ZNF850: variants seen among roughly 807,000 people sequenced by gnomAD.
ZNF850 encodes putative zinc finger protein ENSP00000330994.
In ZNF850, 2 loss-of-function variants were observed where a neutral mutation model predicts 11.9. The observed-to-expected ratio is 0.17, with a 90% CI of 0.07 to 0.53. The LOEUF (loss-of-function observed/expected upper bound fraction) is 0.53. Among genes scored for constraint, ZNF850 ranks in the 20% least tolerant of loss-of-function variants. The pLI is 0.94. For missense variants in ZNF850, 1,014 were observed against 1,316.4 expected, an observed-to-expected ratio of 0.77 and a Z score of 3.55; for synonymous variants, 381 against 443.0, an observed-to-expected ratio of 0.86 and a Z score of 1.76.
chr19:36,766,451 C>G (rs1362661289), intron 1 of ZNF850, among the ~76,000 whole-genome samples: 4 of 152,162 alleles, frequency 2.6e-5, no homozygotes, highest in Admixed American at 6.6e-5. Flanking sequence ...CCGCAGTACA[C>G]ATATAATTTT....
Position 36,758,182 on chromosome 19 carries a change from G to A in ZNF850, c.235+3461C>T, listed in dbSNP as rs750832778. The stretch of plus-strand genomic sequence containing the variant: ...TGACGACTCATGCCTTACAGGTGTA[G>A]TATGTATACAAAATGAGGCAGAACT... On this transcript the variant is annotated intron_variant, in intron 4 of 4. Transcript: ENST00000591344. Among the ~76,000 whole-genome samples, 79 of 152,230 alleles carry A rather than the reference G, an allele frequency of 5.2e-4. No individual in the cohort carries two copies. In the South Asian group the frequency reaches 5.4e-3, roughly 10 times the overall value.
chr19:36,771,135 A>C (rs1394201018), intron 1 of ZNF850, among the ~76,000 whole-genome samples: 1 of 152,140 alleles, frequency 6.6e-6, no homozygotes. Context: ...TCTTTCTCTC[A>C]CGGCCAAGAA....
intron 1 of ZNF850, among the ~76,000 whole-genome samples, chr19:36,771,315 C>G (rs1022075010): frequency 6.6e-6 from 1 of 152,136 alleles, no homozygotes; most frequent in South Asian, 2.1e-4. Context: ...TTGAAGAAAG[C>G]ACTACCCAGC....
At chr19:36,771,577 G>C (rs1049910818) in intron 1 of ZNF850, among the ~76,000 whole-genome samples, 1 of 151,166 alleles carries the variant, frequency 6.6e-6, no homozygotes, top group Admixed American at 6.6e-5. Context: ...AGGAGCTGAA[G>C]TGAAAGTTTG....
chr19:36,759,443 C>T (rs1454863421), intron 4 of ZNF850, among the ~76,000 whole-genome samples: 2 of 152,032 alleles, frequency 1.3e-5, no homozygotes, highest in Non-Finnish European at 2.9e-5. Flanking sequence ...CCACCGTACT[C>T]CAGCATGGGC....
chr19:36,768,653 C>A (rs2040562478), intron 1 of ZNF850, among the ~76,000 whole-genome samples: 2 of 152,060 alleles, frequency 1.3e-5, no homozygotes, highest in Non-Finnish European at 2.9e-5. Context: ...TCACTATAGT[C>A]CTCCTTCCCT....
rs564985231 is a variant in ZNF850 at position 36,761,676 on chromosome 19, C to G, written c.202G>C (p.Val68Leu). 65 of 1,560,964 alleles carry G rather than the reference C, an allele frequency of 4.2e-5. 1 individual carries two copies. In the South Asian group the frequency reaches 7.0e-4, roughly 17 times the overall value. ...LLEQGKEPWM[V>L]SRDVLGGWCR... is the part of the protein sequence containing the mutation. ...CATCCTCCCAGCACGTCCCTTGAAACCATCCAGGGCTCTTTCCCTTGCTCC... is the reference window on the plus strand; with the variant it reads ...CATCCTCCCAGCACGTCCCTTGAAAGCATCCAGGGCTCTTTCCCTTGCTCC... The change falls in exon 4 of 5, where the codon GTT becomes CTT. Residue 68 changes from valine to leucine, a missense_variant. Around this residue, in one of 2 missense-constraint regions of ZNF850, gnomAD observed 835 missense variants for 1,022.0 expected, o/e 0.82. Coordinates refer to ENST00000591344, the MANE Select transcript of ZNF850 (RefSeq NM_001193552.2).
At chr19:36,765,436 G>C (rs1299022491) in intron 1 of ZNF850, among the ~76,000 whole-genome samples, 1 of 151,966 alleles carries the variant, frequency 6.6e-6, no homozygotes, top group African/African-American at 2.4e-5. Context: ...CCTTACAAAT[G>C]CTGCTTTATT....
At chr19:36,765,984 G>A (rs189768719) in intron 1 of ZNF850, among the ~76,000 whole-genome samples, 44 of 152,114 alleles carry the variant, frequency 2.9e-4, no homozygotes, top group Non-Finnish European at 5.3e-4. Flanking sequence ...TGCCTCCTGG[G>A]TTCAAGTGAC....
intron 4 of ZNF850, among the ~76,000 whole-genome samples, 172 bp from the exon 5 acceptor site, chr19:36,750,976 G>T (rs149562825): frequency 6.6e-6 from 1 of 150,838 alleles, no homozygotes; most frequent in East Asian, 2.0e-4. Context: ...TGAGACAGGA[G>T]GATTGCTTGA....
rs1265070227 is a variant in ZNF850, at chr19:36,749,502, G to T, written c.1538C>A (p.Ser513Tyr). The change falls in exon 5 of 5, where the codon TCT becomes TAT. Residue 513 changes from serine (S) to tyrosine (Y), a missense_variant. Ser to Tyr is a moderately radical substitution (Grantham distance 144). Coordinates refer to ENST00000591344, the MANE Select transcript of ZNF850 (RefSeq NM_001193552.2). ...KPYNCKECGK[S>Y]FASGSALLQH... is the part of the protein sequence containing the mutation. ...AAGTAGTGCTGAGCCAGAAGCAAAA[G>T]ATTTTCCACATTCTTTACAATTATA... is the stretch of plus-strand genomic sequence containing the variant. 1.3e-6 allele frequency: 2 copies of T among 1,546,660 alleles called. No homozygotes were observed. Among genetic ancestry groups the T allele is most frequent in the African/African-American group, 1.4e-5 (1 of 73,142 alleles).
intron 4 of ZNF850, among the ~76,000 whole-genome samples, chr19:36,754,651 G>A (rs2040474562): frequency 6.6e-6 from 1 of 152,054 alleles, no homozygotes; most frequent in East Asian, 1.9e-4. Flanking sequence ...TGCCCTCCGA[G>A]TTCAAGCGAT....
Position 36,750,767 on chromosome 19 carries a change from C to T in ZNF850, c.273G>A (p.Leu91=). 1 of 1,524,352 alleles carries T rather than the reference C, an allele frequency of 6.6e-7. No individual in the cohort carries two copies. The highest frequency in any genetic ancestry group is 8.8e-7 in the Non-Finnish European group (1 of 1,140,350). 94.4% of individuals were successfully genotyped at this position (1,524,352 alleles called of 1,614,324 possible). Residue 91 remains leucine, a synonymous_variant, in exon 5 of 5, where the codon TTG becomes TTA. Transcript: ENST00000591344. Reference sequence around the variant, plus strand: ...ATGTTACTTCATAGATTTCTTTTGGCAAACATGAATCTTTGGTCTTACATC... The same window carrying T: ...ATGTTACTTCATAGATTTCTTTTGGTAAACATGAATCTTTGGTCTTACATC... ...EFRCKTKDSC[L]PKEIYEVTSS...
In ZNF850 at chr19:36,747,595, C is replaced by T. The variant is rs937345409; in HGVS notation, c.*172G>A. ...AGCTTGCAGTGAGCCGAGATAGCGC[C>T]ACTGCACTCCAGCCTGGGCGACAGA... On this transcript the variant is annotated 3_prime_UTR_variant, in exon 5 of 5. Transcript: ENST00000591344. The T allele has an allele frequency of 8.5e-5, 51 of 603,480 alleles. No individual in the cohort carries two copies. In the African/African-American group the frequency reaches 8.6e-4, roughly 10 times the overall value. The allele number at this position is 603,480 out of a possible 1,614,324, so 37.4% of individuals were successfully genotyped here.
intron 1 of ZNF850, among the ~76,000 whole-genome samples, chr19:36,769,222 A>G (rs1158929105): frequency 6.8e-6 from 1 of 147,150 alleles, no homozygotes; most frequent in African/African-American, 2.5e-5. Context: ...AGATTGTGCC[A>G]CTGCAGTCCA....
intron 4 of ZNF850, among the ~76,000 whole-genome samples, chr19:36,755,769 A>C (rs1432762622): frequency 2.0e-5 from 3 of 151,840 alleles, no homozygotes; most frequent in Non-Finnish European, 4.4e-5. Context: ...AAAACAGCAG[A>C]AACAGAACCA....
At chr19:36,759,037 C>T (rs1029150922) in intron 4 of ZNF850, among the ~76,000 whole-genome samples, 12 of 151,276 alleles carry the variant, frequency 7.9e-5, no homozygotes, top group African/African-American at 2.9e-4. Flanking sequence ...CAGCCAAGAT[C>T]GTGCCACAGC....
intron 1 of ZNF850, among the ~76,000 whole-genome samples, chr19:36,771,640 G>A (rs901510426): frequency 1.6e-4 from 24 of 152,112 alleles, no homozygotes; most frequent in African/African-American, 5.8e-4. Flanking sequence ...ACCAATGAGG[G>A]GGTGAAGTTA....
In ZNF850 at chr19:36,748,483, G is replaced by C. The variant is rs529853552; in HGVS notation, c.2557C>G (p.Arg853Gly). The C allele has an allele frequency of 6.5e-7, 1 of 1,541,876 alleles. No individual in the cohort carries two copies. The highest frequency in any genetic ancestry group is 2.4e-5 in the East Asian group (1 of 41,072). ...CGCTGATGTTCAATTAGTGTTGAGC[G>C]AGAAGTAAAAGATTTCCCACATTCT... is the stretch of plus-strand genomic sequence containing the variant. ...CKECGKSFTSRSTLIEHQRIH... is the reference protein window; with the variant it reads ...CKECGKSFTSGSTLIEHQRIH... Residue 853 changes from arginine (R) to glycine (G), a missense_variant, in exon 5 of 5, where the codon CGC becomes GGC. Coordinates refer to ENST00000591344, the MANE Select transcript of ZNF850 (RefSeq NM_001193552.2).
Sources: gnomAD v4.1 joint callset for allele counts (sites outside exome capture counted in the v4.1 genomes callset) on GRCh38, gnomAD v4.1.1 for gene constraint, gnomAD v4.1.1 regional missense constraint, MANE v1.5 for transcripts, NCBI Gene and HGNC (gene_info 2026-07-23, HGNC 2026-07-21) for gene names.